The following MLLT3 variants were observed in gnomAD, a reference collection of about 807,000 sequenced individuals.
MLLT3 encodes MLLT3 super elongation complex subunit.
Under a neutral mutation model 53.2 loss-of-function variants are expected in MLLT3, and 4 were observed. That is an observed-to-expected ratio of 0.08 (90% CI 0.04 to 0.17). The LOEUF is 0.17. MLLT3 is among the 10% of genes least tolerant of loss of function. MLLT3 has a pLI of 1.00. For synonymous variants in MLLT3, 283 were observed against 230.6 expected (o/e 1.23, Z -2.06); for missense variants, 569 against 684.0 (o/e 0.83, Z 1.87).
intron 2 of MLLT3, among the ~76,000 whole-genome samples, chr9:20,574,497 G>C (rs1210086520): frequency 1.3e-5 from 2 of 152,170 alleles, no homozygotes; most frequent in Non-Finnish European, 2.9e-5. Context: ...GAATTTAAGA[G>C]TTACATTTAC....
intron 5 of MLLT3, among the ~76,000 whole-genome samples, chr9:20,381,719 C>CT (rs1240127225): frequency 2.0e-5 from 3 of 151,768 alleles, no homozygotes; most frequent in Non-Finnish European, 3.0e-5. Flanking sequence ...AAGGGATACT[C>CT]TGTTATTTTT....
At chr9:20,451,510 C>T (rs1032990887) in intron 3 of MLLT3, among the ~76,000 whole-genome samples, 1 of 152,086 alleles carries the variant, frequency 6.6e-6, no homozygotes, top group Admixed American at 6.6e-5. Flanking sequence ...TCTCTGAATC[C>T]TGAGTATGAT....
intron 6 of MLLT3, among the ~76,000 whole-genome samples, chr9:20,365,323 G>A (rs899639090): frequency 6.6e-6 from 1 of 151,610 alleles, no homozygotes; most frequent in African/African-American, 2.4e-5. Context: ...ACATTAAGAT[G>A]GTTTTTTTTT....
At position 20,359,142 on chromosome 9, in the gene MLLT3, T is replaced by A. The variant is rs1178165684; in HGVS notation, c.1431+1600A>T. On this transcript the variant is annotated intron_variant, in intron 8 of 10. Coordinates refer to ENST00000380338, the MANE Select transcript of MLLT3 (RefSeq NM_004529.4). ...CCTGGGCAACAAGAGCAAAACTCCA[T>A]CTCAAAAAAAAAAAAAAAAAAAAAA... 1.1e-4 allele frequency among the ~76,000 whole-genome samples: 7 copies of A among 62,236 alleles called. No homozygotes were observed. In the Admixed American group the frequency reaches 1.6e-3, roughly 14 times the overall value. The allele number at this position is 62,236 out of a possible 152,430, so 40.8% of individuals were successfully genotyped here. A position where few individuals can be genotyped will look rare whatever the true frequency, so the allele number is the denominator to read the frequency against.
intron 2 of MLLT3, among the ~76,000 whole-genome samples, chr9:20,467,999 C>T (rs1156941341): frequency 6.6e-6 from 1 of 152,092 alleles, no homozygotes; most frequent in Non-Finnish European, 1.5e-5. Context: ...TGGTCGAGAG[C>T]CAGAGCCTTT....
intron 10 of MLLT3, among the ~76,000 whole-genome samples, chr9:20,347,966 C>T (rs943054750): frequency 2.0e-5 from 3 of 152,186 alleles, no homozygotes; most frequent in Middle Eastern, 3.2e-3. Context: ...AATTTGTGAA[C>T]TACTCCCTAT....
intron 5 of MLLT3, chr9:20,411,848 A>C (rs1822736281): frequency 6.6e-6 from 1 of 152,190 alleles, no homozygotes; most frequent in South Asian, 2.1e-4. Flanking sequence ...TTTCATGTAG[A>C]AAGAGCTTTC....
At chr9:20,587,785 G>A (rs1465145430) in intron 2 of MLLT3, among the ~76,000 whole-genome samples, 9 of 151,952 alleles carry the variant, frequency 5.9e-5, no homozygotes, top group Non-Finnish European at 1.2e-4. Flanking sequence ...CTCCCATTTT[G>A]TAGGTTGCCT....
intron 2 of MLLT3, among the ~76,000 whole-genome samples, chr9:20,611,052 T>TA (rs1271955377): frequency 6.6e-6 from 1 of 152,090 alleles, no homozygotes; most frequent in Non-Finnish European, 1.5e-5. Context: ...TTCTTCAATA[T>TA]AAAAAAGGTC....
chr9:20,415,854 A>G (rs1431350294), intron 4 of MLLT3, among the ~76,000 whole-genome samples: 1 of 152,074 alleles, frequency 6.6e-6, no homozygotes, highest in Non-Finnish European at 1.5e-5. Flanking sequence ...CTATATTAGT[A>G]GAAATATATT....
intron 4 of MLLT3, among the ~76,000 whole-genome samples, chr9:20,423,305 T>C (rs573569543): frequency 9.2e-5 from 14 of 152,260 alleles, no homozygotes; most frequent in South Asian, 2.1e-4. Flanking sequence ...AAAGAAGATA[T>C]AGAATGGGGG....
chr9:20,476,378 T>C (rs979037901), intron 2 of MLLT3, among the ~76,000 whole-genome samples: 1 of 152,134 alleles, frequency 6.6e-6, no homozygotes, highest in Non-Finnish European at 1.5e-5. Context: ...TTCACTTTAA[T>C]CGGGAGTTAA....
chr9:20,349,212 C>A (rs967603706), intron 10 of MLLT3, among the ~76,000 whole-genome samples: 1 of 152,242 alleles, frequency 6.6e-6, no homozygotes, highest in East Asian at 1.9e-4. Context: ...AACATCATAA[C>A]CTTTGAGCCT....
intron 2 of MLLT3, among the ~76,000 whole-genome samples, chr9:20,573,382 G>A (rs1047564197): frequency 6.6e-6 from 1 of 152,016 alleles, no homozygotes; most frequent in African/African-American, 2.4e-5. Flanking sequence ...GTTTCACCAT[G>A]TTGCCCAGAC....
chr9:20,508,084 T>C (rs955551836), intron 2 of MLLT3, among the ~76,000 whole-genome samples: 1 of 152,204 alleles, frequency 6.6e-6, no homozygotes, highest in Admixed American at 6.5e-5. Flanking sequence ...TAAAATAGTT[T>C]AGCATCTGTC....
At chr9:20,588,857 G>C (rs1391243528) in intron 2 of MLLT3, among the ~76,000 whole-genome samples, 2 of 151,966 alleles carry the variant, frequency 1.3e-5, no homozygotes, top group African/African-American at 4.8e-5. Context: ...CTGGCCATCA[G>C]AGAAATGCAA....
chr9:20,542,267 G>A (rs13287883), intron 2 of MLLT3, among the ~76,000 whole-genome samples: 44 of 142,448 alleles, frequency 3.1e-4, no homozygotes, highest in South Asian at 1.5e-3. Context: ...TTTTTGAGAC[G>A]GAGTCTTGCT....
At chr9:20,585,668 G>A (rs897270294) in intron 2 of MLLT3, among the ~76,000 whole-genome samples, 3 of 152,146 alleles carry the variant, frequency 2.0e-5, no homozygotes, top group African/African-American at 7.2e-5. Context: ...GTGATATTGA[G>A]CATCTTTTCA....
intron 4 of MLLT3, among the ~76,000 whole-genome samples, chr9:20,425,934 T>C (rs1258152472): frequency 6.6e-6 from 1 of 152,020 alleles, no homozygotes; most frequent in Non-Finnish European, 1.5e-5. Context: ...GAAGCTTAAG[T>C]GTAAAGTACT....
Sources: gnomAD v4.1 joint callset for allele counts (sites outside exome capture counted in the v4.1 genomes callset) on GRCh38, gnomAD v4.1.1 for gene constraint, MANE v1.5 for transcripts, NCBI Gene and HGNC (gene_info 2026-07-23, HGNC 2026-07-21) for gene names.